ADAMTSL1: variants seen among roughly 807,000 people sequenced by gnomAD.
ADAMTSL1 encodes ADAMTS like 1.
Under a neutral mutation model 201.8 loss-of-function variants are expected in ADAMTSL1, and 126 were observed. The ratio of observed to expected loss-of-function variants is 0.62; its 90% CI spans 0.54 to 0.72. ADAMTSL1 has a LOEUF of 0.72. Ranked by LOEUF, ADAMTSL1 falls within the 30% of genes least tolerant of loss-of-function variation. The pLI is 0.00. For synonymous variants in ADAMTSL1, 1,121 were observed against 903.4 expected, an observed-to-expected ratio of 1.24 and a Z score of -4.32; for missense variants, 2,679 against 2,277.8, an observed-to-expected ratio of 1.18 and a Z score of -3.59.
chr9:18,569,979 C>A (rs763932505), intron 3 of ADAMTSL1, among the ~76,000 whole-genome samples: 3 of 152,086 alleles, frequency 2.0e-5, no homozygotes, highest in Non-Finnish European at 4.4e-5. Context: ...AAAAGCATCT[C>A]TCCAAAAGCT....
chr9:18,524,279 C>T (rs968442417), intron 2 of ADAMTSL1, among the ~76,000 whole-genome samples: 5 of 152,130 alleles, frequency 3.3e-5, no homozygotes, highest in African/African-American at 7.2e-5. Context: ...GTGATTTTTG[C>T]ATATTTATTT....
chr9:18,806,868 T>C (rs376995988), intron 20 of ADAMTSL1, among the ~76,000 whole-genome samples: 1 of 152,186 alleles, frequency 6.6e-6, no homozygotes, highest in African/African-American at 2.4e-5. Context: ...GCTCCTTCCT[T>C]AATGGCCTTC....
chr9:18,296,561 C>T (rs924577197), intron 2 of ADAMTSL1, among the ~76,000 whole-genome samples: 1 of 151,910 alleles, frequency 6.6e-6, no homozygotes, highest in African/African-American at 2.4e-5. Flanking sequence ...TTTGGTAAAA[C>T]CTTAATGTTG....
chr9:18,431,308 T>G (rs1283389645), intron 2 of ADAMTSL1, among the ~76,000 whole-genome samples: 1 of 152,244 alleles, frequency 6.6e-6, no homozygotes, highest in Non-Finnish European at 1.5e-5. Context: ...AGTCTGGCAC[T>G]GTCAGAGGCA....
intron 5 of ADAMTSL1, among the ~76,000 whole-genome samples, chr9:18,631,106 A>G (rs1393014251): frequency 6.6e-6 from 1 of 152,226 alleles, no homozygotes; most frequent in African/African-American, 2.4e-5. Flanking sequence ...GATTTCATAT[A>G]TGTTAAAGCA....
chr9:18,563,808 C>T (rs953892368), intron 3 of ADAMTSL1, among the ~76,000 whole-genome samples: 5 of 152,184 alleles, frequency 3.3e-5, no homozygotes, highest in Non-Finnish European at 5.9e-5. Flanking sequence ...TTTGTTTACA[C>T]TGTGAGTGGA....
chr9:17,995,458 C>G (rs1262134220), intron 1 of ADAMTSL1, among the ~76,000 whole-genome samples: 2 of 152,094 alleles, frequency 1.3e-5, no homozygotes, highest in African/African-American at 4.8e-5. Context: ...TTATAATGAA[C>G]TGAAAGACTT....
At chr9:18,554,812 A>G (rs528908746) in intron 3 of ADAMTSL1, among the ~76,000 whole-genome samples, 7 of 151,578 alleles carry the variant, frequency 4.6e-5, no homozygotes, top group African/African-American at 7.2e-5. Flanking sequence ...AGTCTCCCCC[A>G]CTATCAATGT....
intron 7 of ADAMTSL1, among the ~76,000 whole-genome samples, chr9:18,641,420 A>T (rs959034572): frequency 1.3e-5 from 2 of 152,104 alleles, no homozygotes; most frequent in African/African-American, 4.8e-5. Context: ...CATCTCTATT[A>T]TACCCACAAG....
chr9:18,078,420 A>G (rs1823326916), intron 1 of ADAMTSL1, among the ~76,000 whole-genome samples: 1 of 152,156 alleles, frequency 6.6e-6, no homozygotes, highest in Non-Finnish European at 1.5e-5. Context: ...TCTGCATTCA[A>G]AAATAAGCCT....
intron 2 of ADAMTSL1, among the ~76,000 whole-genome samples, chr9:18,418,461 G>T (rs1818789933): frequency 6.6e-6 from 1 of 152,120 alleles, no homozygotes; most frequent in Non-Finnish European, 1.5e-5. Context: ...TGTCTATGTA[G>T]AACATCCCAA....
intron 26 of ADAMTSL1, among the ~76,000 whole-genome samples, chr9:18,903,364 G>A (rs1830117109): frequency 6.6e-6 from 1 of 151,990 alleles, no homozygotes; most frequent in Non-Finnish European, 1.5e-5. Flanking sequence ...AAACAAACAT[G>A]AAATATGGTT....
chr9:18,564,682 A>G (rs1821764610), intron 3 of ADAMTSL1, among the ~76,000 whole-genome samples: 1 of 152,220 alleles, frequency 6.6e-6, no homozygotes, highest in Non-Finnish European at 1.5e-5. Flanking sequence ...CCATGTTACA[A>G]AAGGATTATG....
At chr9:18,221,053 A>G (rs148437003) in intron 2 of ADAMTSL1, among the ~76,000 whole-genome samples, 1,523 of 152,170 alleles carry the variant, frequency 0.01, 25 homozygotes, top group African/African-American at 0.034. Context: ...GGGATTACAG[A>G]CATGAGTCGC....
chr9:18,611,385 C>T (rs1293619067), intron 4 of ADAMTSL1, among the ~76,000 whole-genome samples: 3 of 152,168 alleles, frequency 2.0e-5, no homozygotes, highest in Admixed American at 1.3e-4. Flanking sequence ...AGTCCCTGAC[C>T]ATCTGCTGAG....
chr9:18,257,326 A>G (rs1402593384), intron 2 of ADAMTSL1, among the ~76,000 whole-genome samples: 1 of 152,216 alleles, frequency 6.6e-6, no homozygotes, highest in Non-Finnish European at 1.5e-5. Flanking sequence ...GAGAATTCAA[A>G]ACAAAATCCA....
At chr9:17,959,736 G>A (rs1033300095) in intron 1 of ADAMTSL1, among the ~76,000 whole-genome samples, 33 of 152,306 alleles carry the variant, frequency 2.2e-4, no homozygotes, top group African/African-American at 7.9e-4. Context: ...GATTATAGGA[G>A]CAAGCCACTG....
chr9:18,006,225 A>G (rs1819818007), intron 1 of ADAMTSL1, among the ~76,000 whole-genome samples: 3 of 152,064 alleles, frequency 2.0e-5, no homozygotes, highest in Non-Finnish European at 4.4e-5. Context: ...ATAATATTTT[A>G]CACTAGAGGT....
chr9:18,707,692 C>T (rs536541117), intron 14 of ADAMTSL1, among the ~76,000 whole-genome samples: 2 of 152,194 alleles, frequency 1.3e-5, no homozygotes, highest in South Asian at 2.1e-4. Flanking sequence ...CTGCCTGGAG[C>T]CTTTCCATCA....
Sources: gnomAD v4.1 joint callset for allele counts (sites outside exome capture counted in the v4.1 genomes callset) on GRCh38, gnomAD v4.1.1 for gene constraint, MANE v1.5 for transcripts, NCBI Gene and HGNC (gene_info 2026-07-23, HGNC 2026-07-21) for gene names.